SLCO6A1: variants seen among roughly 807,000 people sequenced by gnomAD.
The protein encoded by SLCO6A1 is cancer/testis antigen 48.
Under a neutral mutation model 72.7 loss-of-function variants are expected in SLCO6A1, and 65 were observed. That is an observed-to-expected ratio of 0.89 (90% CI 0.73 to 1.10). The LOEUF (loss-of-function observed/expected upper bound fraction) is 1.10, where lower values mean the gene tolerates loss of function less well. Among genes scored for constraint, SLCO6A1 ranks in the 50% least tolerant of loss-of-function variants. The pLI is 0.00. For synonymous variants in SLCO6A1, 314 were observed against 298.2 expected (o/e 1.05, Z -0.55); for missense variants, 874 against 872.6 (o/e 1.00, Z -0.02).
chr5:102,479,091 G>C (rs1752054759), intron 2 of SLCO6A1, among the ~76,000 whole-genome samples: 1 of 152,124 alleles, frequency 6.6e-6, no homozygotes, highest in African/African-American at 2.4e-5. Flanking sequence ...ATGTGGAATT[G>C]TAATTCCCAA....
At chr5:102,439,542 T>C (rs1749723997) in intron 6 of SLCO6A1, among the ~76,000 whole-genome samples, 1 of 152,136 alleles carries the variant, frequency 6.6e-6, no homozygotes, top group Non-Finnish European at 1.5e-5. Flanking sequence ...ACTCAACTAG[T>C]TCAAATTCTC....
intron 9 of SLCO6A1, among the ~76,000 whole-genome samples, chr5:102,402,943 A>T (rs1168204334): frequency 6.6e-6 from 1 of 152,186 alleles, no homozygotes; most frequent in Non-Finnish European, 1.5e-5. Flanking sequence ...ACAGTCCTCT[A>T]CACATAATTT....
rs1034097056 is a variant in SLCO6A1, at chr5:102,388,616, A to T, written c.2017+72T>A. The stretch of plus-strand genomic sequence containing the variant: ...ATTCATGGTTTAAAATTATAATTCT[A>T]CATTACTATTAACAACCATAACTTT... On this transcript the variant is annotated intron_variant, in intron 12 of 13. Coordinates refer to ENST00000506729, the MANE Select transcript of SLCO6A1 (RefSeq NM_173488.5). The T allele has an allele frequency of 5.4e-6, 6 of 1,117,242 alleles. No individual in the cohort carries two copies. In the African/African-American group the frequency reaches 8.0e-5, roughly 15 times the overall value. The allele number at this position is 1,117,242 out of a possible 1,614,324, so 69.2% of individuals were successfully genotyped here. A position where few individuals can be genotyped will look rare whatever the true frequency, so the allele number is the denominator to read the frequency against.
chr5:102,401,287 G>A (rs1206983721), intron 9 of SLCO6A1, among the ~76,000 whole-genome samples: 2 of 152,040 alleles, frequency 1.3e-5, no homozygotes, highest in Non-Finnish European at 2.9e-5. Flanking sequence ...TGAACATGAA[G>A]GAGACTAAGA....
intron 6 of SLCO6A1, among the ~76,000 whole-genome samples, chr5:102,457,475 T>C (rs910570608): frequency 6.6e-6 from 1 of 152,022 alleles, no homozygotes; most frequent in African/African-American, 2.4e-5. Flanking sequence ...AAAAGATATT[T>C]ATGCTGCCAA....
intron 6 of SLCO6A1, among the ~76,000 whole-genome samples, chr5:102,457,321 C>A (rs189020536): frequency 0.072 from 10,896 of 151,370 alleles, 452 homozygotes; most frequent in African/African-American, 0.1. Context: ...AGGCAACCTA[C>A]AGAATGGGAG....
At chr5:102,459,839 A>T in intron 4 of SLCO6A1, 62 bp from the exon 5 acceptor site, 1 of 1,407,402 alleles carries the variant, frequency 7.1e-7, no homozygotes, top group Admixed American at 2.6e-5. Flanking sequence ...ACAAAACCAT[A>T]ATCAAACAGA....
At chr5:102,471,311 A>T (rs532139040) in intron 4 of SLCO6A1, among the ~76,000 whole-genome samples, 3 of 152,130 alleles carry the variant, frequency 2.0e-5, no homozygotes, top group African/African-American at 7.2e-5. Flanking sequence ...AACAAGCTGA[A>T]CATAAATCAA....
At chr5:102,409,564 A>G (rs1747860786) in intron 9 of SLCO6A1, among the ~76,000 whole-genome samples, 1 of 152,046 alleles carries the variant, frequency 6.6e-6, no homozygotes, top group South Asian at 2.1e-4. Flanking sequence ...TCCATATCAC[A>G]TTTTACTAAA....
intron 1 of SLCO6A1, among the ~76,000 whole-genome samples, chr5:102,486,329 T>C (rs1752442270): frequency 6.6e-6 from 1 of 152,124 alleles, no homozygotes; most frequent in Non-Finnish European, 1.5e-5. Context: ...GAGGGATGCA[T>C]TTTAGTATCT....
chr5:102,436,191 CAAGAAGG>C (rs1749527238), intron 7 of SLCO6A1, among the ~76,000 whole-genome samples: 1 of 152,126 alleles, frequency 6.6e-6, no homozygotes, highest in Non-Finnish European at 1.5e-5. Flanking sequence ...CCATTGGCTA[CAAGAAGG>C]TGCATAAGAA....
chr5:102,437,136 T>A (rs140326602), intron 7 of SLCO6A1, among the ~76,000 whole-genome samples: 1 of 152,290 alleles, frequency 6.6e-6, no homozygotes, highest in East Asian at 1.9e-4. Flanking sequence ...TTAGAAACTA[T>A]AGGGCAAAAT....
Position 102,470,507 on chromosome 5 carries a change from C to T in SLCO6A1, c.899+5190G>A, listed in dbSNP as rs915969656. On this transcript the variant is annotated intron_variant, in intron 4 of 13. Transcript: ENST00000506729. ...ATTTCTGTGGGATCAGTGGTGATATCCCTTTTATCATTTTTTATTGTGTCT... is the reference window on the plus strand; with the variant it reads ...ATTTCTGTGGGATCAGTGGTGATATTCCTTTTATCATTTTTTATTGTGTCT... Among the ~76,000 whole-genome samples, 23 of 152,038 alleles carry T rather than the reference C, an allele frequency of 1.5e-4. 1 individual carries two copies. Among genetic ancestry groups the T allele is most frequent in the Admixed American group, 1.2e-3 (18 of 15,244 alleles).
intron 6 of SLCO6A1, among the ~76,000 whole-genome samples, chr5:102,454,661 CTTT>C (rs149894194): frequency 6.8e-6 from 1 of 147,174 alleles, no homozygotes; most frequent in Non-Finnish European, 1.5e-5. Flanking sequence ...AATTGGCTTG[CTTT>C]TTTTTTTCTT....
intron 6 of SLCO6A1, among the ~76,000 whole-genome samples, chr5:102,453,740 C>T (rs1045148453): frequency 2.0e-5 from 3 of 152,156 alleles, no homozygotes; most frequent in Non-Finnish European, 4.4e-5. Flanking sequence ...AGCCTGGCTT[C>T]CCAGGAGTCA....
intron 6 of SLCO6A1, among the ~76,000 whole-genome samples, chr5:102,452,144 T>C (rs546410930): frequency 6.6e-6 from 1 of 152,328 alleles, no homozygotes; most frequent in Admixed American, 6.5e-5. Flanking sequence ...ACTTCCTTAT[T>C]CATCTGAGTC....
intron 8 of SLCO6A1, among the ~76,000 whole-genome samples, 153 bp from the exon 9 acceptor site, chr5:102,413,296 C>A (rs1748092905): frequency 6.6e-6 from 1 of 152,032 alleles, no homozygotes; most frequent in South Asian, 2.1e-4. Context: ...ATAGACTGCA[C>A]ATACTTAGAC....
intron 2 of SLCO6A1, 147 bp downstream of exon 2, chr5:102,480,030 G>T: frequency 1.4e-6 from 1 of 712,764 alleles, no homozygotes; most frequent in Non-Finnish European, 2.3e-6. Flanking sequence ...GCTACAATTA[G>T]TTAATTAGCA....
At chr5:102,485,163 A>G (rs1257915389) in intron 1 of SLCO6A1, among the ~76,000 whole-genome samples, 1 of 152,070 alleles carries the variant, frequency 6.6e-6, no homozygotes, top group African/African-American at 2.4e-5. Flanking sequence ...AGGCAGGAGA[A>G]TCGTTTGAAC....
Sources: allele counts gnomAD v4.1 joint callset (sites outside exome capture counted in the v4.1 genomes callset), GRCh38; gene constraint gnomAD v4.1.1; transcripts MANE v1.5; gene names NCBI Gene and HGNC (gene_info 2026-07-23, HGNC 2026-07-21).